The following CORO2A variants were observed in gnomAD, a reference collection of about 807,000 sequenced individuals.
The protein encoded by CORO2A is coronin-2A.
In CORO2A, 47 loss-of-function variants were observed where a neutral mutation model predicts 62.4. That is an observed-to-expected ratio of 0.75 (90% CI 0.60 to 0.96). The LOEUF (loss-of-function observed/expected upper bound fraction) is 0.96. CORO2A is among the 40% of genes least tolerant of loss of function. CORO2A has a pLI of 0.00. For synonymous variants in CORO2A, 273 were observed against 268.9 expected (o/e 1.02, Z -0.15); for missense variants, 610 against 684.1 (o/e 0.89, Z 1.21).
chr9:98,126,614 T>C lies in CORO2A; in HGVS notation c.1381A>G (p.Lys461Glu), dbSNP rs752115336. The C allele has an allele frequency of 5.6e-6, 9 of 1,614,150 alleles. No homozygotes were observed. Among genetic ancestry groups the C allele is most frequent in the Non-Finnish European group, 7.6e-6 (9 of 1,180,024 alleles). The change falls in exon 11 of 12, where the codon AAG (lysine) becomes GAG (glutamate). Residue 461 changes from lysine (K) to glutamate (E), a missense_variant. Transcript: ENST00000375077. ...RWAAEHRLEE[K>E]KTWLTNGFDV... Reference sequence around the variant, plus strand: ...AAGCCATTTGTCAGCCAGGTTTTCTTCTCCTCCAGCCTGTGTTCTGCTGCC... The same window carrying C: ...AAGCCATTTGTCAGCCAGGTTTTCTCCTCCTCCAGCCTGTGTTCTGCTGCC...
chr9:98,121,155 G>C lies in CORO2A; in HGVS notation c.*3619C>G, dbSNP rs1340845537. The C allele has an allele frequency of 3.3e-5, 5 of 152,160 alleles. No homozygotes were observed. In the East Asian group the frequency reaches 9.6e-4, roughly 29 times the overall value. 9.4% of individuals were successfully genotyped at this position (152,160 alleles called of 1,614,324 possible). On this transcript the variant is annotated 3_prime_UTR_variant, in exon 12 of 12. Transcript: ENST00000375077. ...AGGCACGGTTTCAATTAAAAGCATA[G>C]ATTTGATTTCTGACTTCCTGTTTCC...
intron 2 of CORO2A, among the ~76,000 whole-genome samples, chr9:98,149,241 T>C (rs1360550482): frequency 6.6e-6 from 1 of 152,274 alleles, no homozygotes; most frequent in Non-Finnish European, 1.5e-5. Context: ...AACGATTTGT[T>C]GTTTATCTGA....
At chr9:98,127,675 A>G (rs1827345128) in intron 10 of CORO2A, among the ~76,000 whole-genome samples, 1 of 151,970 alleles carries the variant, frequency 6.6e-6, no homozygotes, top group South Asian at 2.1e-4. Context: ...TTAGCTGGGC[A>G]TGGTGGCACG....
chr9:98,130,166 A>C (rs1190428716), intron 7 of CORO2A, among the ~76,000 whole-genome samples: 2 of 152,048 alleles, frequency 1.3e-5, no homozygotes, highest in African/African-American at 4.8e-5. Flanking sequence ...AGCTCATTGC[A>C]ACCTCCTGGT....
intron 2 of CORO2A, among the ~76,000 whole-genome samples, chr9:98,148,797 A>G (rs1827682658): frequency 2.2e-5 from 3 of 134,388 alleles, no homozygotes; most frequent in Admixed American, 2.2e-4. Context: ...CAAAACACAC[A>G]CACACAAAAC....
At position 98,131,010 on chromosome 9, in the gene CORO2A, C is replaced by A; in HGVS notation, c.815G>T (p.Gly272Val). 5.6e-6 allele frequency: 9 copies of A among 1,613,952 alleles called. No individual in the cohort carries two copies. Among genetic ancestry groups the A allele is most frequent in the Non-Finnish European group, 7.6e-6 (9 of 1,179,966 alleles). Residue 272 changes from glycine to valine, a missense_variant, in exon 7 of 12, where the codon GGC (glycine) becomes GTC (valine). By Grantham distance (109) the Gly-to-Val change is moderately radical. Transcript: ENST00000375077. ...LMEEDLDGSS[G>V]VLFPFYDADT... is the part of the protein sequence containing the mutation. ...CGCGTCATAGAAGGGAAACAGCACG[C>A]CCGAGGAGCCGTCCAGGTCCTCCTC...
intron 7 of CORO2A, among the ~76,000 whole-genome samples, chr9:98,130,674 T>C (rs1476073505): frequency 6.6e-6 from 1 of 152,230 alleles, no homozygotes; most frequent in African/African-American, 2.4e-5. Flanking sequence ...AGTGGAGACC[T>C]GTTCTGCCCC....
Position 98,124,630 on chromosome 9 carries a change from A to C in CORO2A, c.*144T>G. ...AAAAACGGCACCATGTCCCACTGGA[A>C]TCTCTTTCAGCGATGGAGAGTTTTG... On this transcript the variant is annotated 3_prime_UTR_variant, in exon 12 of 12. Transcript: ENST00000375077. 1 of 818,448 alleles carries C rather than the reference A, an allele frequency of 1.2e-6. No homozygotes were observed. The highest frequency in any genetic ancestry group is 1.7e-6 in the Non-Finnish European group (1 of 577,030). 50.7% of individuals were successfully genotyped at this position (818,448 alleles called of 1,614,324 possible). A position where few individuals can be genotyped will look rare whatever the true frequency, so the allele number is the denominator to read the frequency against.
At chr9:98,161,385 C>T (rs1827883657) in intron 1 of CORO2A, among the ~76,000 whole-genome samples, 1 of 152,128 alleles carries the variant, frequency 6.6e-6, no homozygotes, top group African/African-American at 2.4e-5. Flanking sequence ...GAAACCCCGT[C>T]TCTACTGAAA....
At chr9:98,184,386 A>G (rs1157112085) in intron 1 of CORO2A, among the ~76,000 whole-genome samples, 3 of 152,162 alleles carry the variant, frequency 2.0e-5, no homozygotes, top group Non-Finnish European at 4.4e-5. Flanking sequence ...AAATTCTACC[A>G]CCTAGTGATA....
chr9:98,129,625 C>T (rs992404869), intron 8 of CORO2A, among the ~76,000 whole-genome samples, 169 bp downstream of exon 8: 2 of 152,236 alleles, frequency 1.3e-5, no homozygotes, highest in African/African-American at 4.8e-5. Flanking sequence ...CTGTTGCACA[C>T]GTCAAGTACA....
At chr9:98,134,262 G>T (rs1203198860) in intron 4 of CORO2A, among the ~76,000 whole-genome samples, 1 of 152,180 alleles carries the variant, frequency 6.6e-6, no homozygotes, top group Non-Finnish European at 1.5e-5. Flanking sequence ...GAGGTCTCCT[G>T]TACTGTGGGT....
chr9:98,166,091 G>A (rs1012269782), intron 1 of CORO2A, among the ~76,000 whole-genome samples: 2 of 152,198 alleles, frequency 1.3e-5, no homozygotes, highest in Non-Finnish European at 1.5e-5. Context: ...ACTGTTGACC[G>A]AGTCTTTGTA....
intron 2 of CORO2A, among the ~76,000 whole-genome samples, chr9:98,147,015 C>T (rs1386375672): frequency 2.0e-5 from 3 of 152,048 alleles, no homozygotes; most frequent in Non-Finnish European, 4.4e-5. Context: ...GCCTGTTATC[C>T]CAGCACTTTG....
At chr9:98,163,961 G>T (rs1232471691) in intron 1 of CORO2A, among the ~76,000 whole-genome samples, 2 of 152,194 alleles carry the variant, frequency 1.3e-5, no homozygotes, top group Admixed American at 6.5e-5. Flanking sequence ...AGAATGAAAT[G>T]ACCTGATTTG....
intron 2 of CORO2A, among the ~76,000 whole-genome samples, chr9:98,147,144 C>G (rs1827653473): frequency 6.6e-6 from 1 of 152,008 alleles, no homozygotes. Flanking sequence ...CAATCAAATG[C>G]AAGATGTGGA....
chr9:98,128,330 C>T, intron 9 of CORO2A, 70 bp from the exon 10 acceptor site: 3 of 1,267,216 alleles, frequency 2.4e-6, no homozygotes. Flanking sequence ...GCCCTTAGAC[C>T]TGGGAGTCCA....
chr9:98,135,590 G>A (rs1827475128), intron 3 of CORO2A, among the ~76,000 whole-genome samples: 1 of 152,098 alleles, frequency 6.6e-6, no homozygotes, highest in Admixed American at 6.6e-5. Flanking sequence ...GATGGAGGGG[G>A]CTGCCATGGC....
In CORO2A at chr9:98,178,419, C is replaced by T. The variant is rs73657113; in HGVS notation, c.-1+14140G>A. ...GCTAACAAGTCACAATTTTTCAGTACGAATCTTTAAAAACCACGTGTCCAT... is the reference window on the plus strand; with the variant it reads ...GCTAACAAGTCACAATTTTTCAGTATGAATCTTTAAAAACCACGTGTCCAT... On this transcript the variant is annotated intron_variant, in intron 1 of 11. Coordinates refer to ENST00000375077, the MANE Select transcript of CORO2A (RefSeq NM_052820.4). Among the ~76,000 whole-genome samples, 614 of 152,248 alleles carry T rather than the reference C, an allele frequency of 4.0e-3. 3 individuals carry two copies. The highest frequency in any genetic ancestry group is 0.014 in the African/African-American group (586 of 41,512).
Sources: allele counts gnomAD v4.1 joint callset (sites outside exome capture counted in the v4.1 genomes callset), GRCh38; gene constraint gnomAD v4.1.1; transcripts MANE v1.5; gene names NCBI Gene and HGNC (gene_info 2026-07-23, HGNC 2026-07-21).